The following ANKRD18A variants were observed in gnomAD, a reference collection of about 807,000 sequenced individuals.
ANKRD18A encodes the protein ankyrin repeat domain 18A.
Under a neutral mutation model 110.6 loss-of-function variants are expected in ANKRD18A, and 72 were observed. The ratio of observed to expected loss-of-function variants is 0.65; its 90% CI spans 0.54 to 0.79. The LOEUF is 0.79. Ranked by LOEUF, ANKRD18A falls within the 30% of genes least tolerant of loss-of-function variation. ANKRD18A has a pLI of 0.00. For missense variants in ANKRD18A, 934 were observed against 1,163.3 expected (o/e 0.80, Z 2.87); for synonymous variants, 305 against 410.3 (o/e 0.74, Z 3.10).
chr9:38,597,824 G>A (rs562342571), intron 8 of ANKRD18A, among the ~76,000 whole-genome samples: 1 of 152,144 alleles, frequency 6.6e-6, no homozygotes, highest in South Asian at 2.1e-4. Flanking sequence ...TAAATTTTTG[G>A]CTGAGGAGTT....
intron 1 of ANKRD18A, among the ~76,000 whole-genome samples, chr9:38,616,800 T>A (rs942400358): frequency 6.6e-6 from 1 of 152,216 alleles, no homozygotes; most frequent in Admixed American, 6.5e-5. Context: ...ATATTTTAAT[T>A]AAGTAAAATG....
chr9:38,588,848 A>T (rs1587503152), intron 10 of ANKRD18A, among the ~76,000 whole-genome samples, 185 bp from the exon 11 acceptor site: 1 of 152,214 alleles, frequency 6.6e-6, no homozygotes, highest in Non-Finnish European at 1.5e-5. Flanking sequence ...GCTAAAAAAG[A>T]TTCACACTTT....
chr9:38,593,775 A>T lies in ANKRD18A; in HGVS notation c.1989T>A (p.Phe663Leu). ...NETWTSKKKL[F>L]QVEIQPEEKH... ...CCATACATACTTGAATTTCTACTTG[A>T]AATAATTTCTTCTTTGAAGTCCATG... The change falls in exon 10 of 16, where the codon TTT (phenylalanine) becomes TTA (leucine). Residue 663 changes from phenylalanine to leucine, a missense_variant. Physicochemically the swap from Phe to Leu is conservative, Grantham distance 22 (BLOSUM62 0). This residue lies in a region of ANKRD18A where 630 missense variants were observed against 797.5 expected (regional missense o/e 0.79). Coordinates refer to ENST00000399703, the MANE Select transcript of ANKRD18A (RefSeq NM_147195.4). The T allele has an allele frequency of 6.5e-7, 1 of 1,529,808 alleles. No homozygotes were observed. 94.8% of individuals were successfully genotyped at this position (1,529,808 alleles called of 1,614,324 possible).
At position 38,575,680 on chromosome 9, in the gene ANKRD18A, T is replaced by A. The variant is rs371259853; in HGVS notation, c.2760A>T (p.Ala920=). 568 of 1,551,170 alleles carry A rather than the reference T, an allele frequency of 3.7e-4. 2 individuals are homozygous for A. Among genetic ancestry groups the A allele is most frequent in the South Asian group, 2.9e-3 (243 of 83,784 alleles). ...KKLMKSDKKI[A]VISTKLFTEK... ...CCGTAAAGAGCTTGGTGCTGATCAC[T>A]GCTATTTTCTTATCCGATCTGTAAA... The change falls in exon 15 of 16, where the codon GCA becomes GCT. Residue 920 remains alanine, a synonymous_variant. Coordinates refer to ENST00000399703, the MANE Select transcript of ANKRD18A (RefSeq NM_147195.4).
chr9:38,616,264 A>G (rs1348490838), intron 1 of ANKRD18A, among the ~76,000 whole-genome samples: 1 of 152,222 alleles, frequency 6.6e-6, no homozygotes, highest in Non-Finnish European at 1.5e-5. Flanking sequence ...GATTCAGCTT[A>G]ACTAGGGCTT....
intron 12 of ANKRD18A, among the ~76,000 whole-genome samples, chr9:38,583,399 T>A (rs1824243478): frequency 6.6e-6 from 1 of 152,184 alleles, no homozygotes; most frequent in African/African-American, 2.4e-5. Context: ...CTATATTTTT[T>A]TTGAGACGGA....
intron 15 of ANKRD18A, among the ~76,000 whole-genome samples, chr9:38,573,664 G>A (rs1189566220): frequency 6.6e-6 from 1 of 151,686 alleles, no homozygotes; most frequent in Admixed American, 6.6e-5. Flanking sequence ...GCAGTGAGCC[G>A]AGATCGTGCC....
At chr9:38,594,445 A>G (rs1043074307) in intron 9 of ANKRD18A, among the ~76,000 whole-genome samples, 1 of 152,228 alleles carries the variant, frequency 6.6e-6, no homozygotes, top group African/African-American at 2.4e-5. Context: ...TCCAAATGAT[A>G]GTCATTGAGA....
chr9:38,568,804 C>T (rs1460672406), downstream of ANKRD18A: 1 of 985,250 alleles, frequency 1.0e-6, no homozygotes, highest in Non-Finnish European at 1.2e-6. Flanking sequence ...CTGGGGGGAC[C>T]ATAGTGCCCC....
chr9:38,605,537 A>G (rs1220331700), intron 6 of ANKRD18A, among the ~76,000 whole-genome samples: 1 of 152,166 alleles, frequency 6.6e-6, no homozygotes, highest in East Asian at 1.9e-4. Flanking sequence ...AACCATTTTT[A>G]TAATTTTATT....
At position 38,595,780 on chromosome 9, in the gene ANKRD18A, T is replaced by C. The variant is rs1245524403; in HGVS notation, c.1560A>G (p.Glu520=). 1.9e-6 allele frequency: 3 copies of C among 1,551,138 alleles called. No homozygotes were observed. Among genetic ancestry groups the C allele is most frequent in the Non-Finnish European group, 2.6e-6 (3 of 1,146,632 alleles). The change falls in exon 9 of 16, where the codon GAA becomes GAG. Residue 520 remains glutamate (E), a synonymous_variant. Coordinates refer to ENST00000399703, the MANE Select transcript of ANKRD18A (RefSeq NM_147195.4). Reference sequence around the variant, plus strand: ...CTCCATTTGGATGCATCTGCTTCATTTCCTTTATTCGATGCTGTGCTTGCC... The same window carrying C: ...CTCCATTTGGATGCATCTGCTTCATCTCCTTTATTCGATGCTGTGCTTGCC... ...DLRQAQHRIK[E]MKQMHPNGEA...
intron 15 of ANKRD18A, among the ~76,000 whole-genome samples, chr9:38,573,607 C>T (rs1278934442): frequency 6.6e-6 from 1 of 151,898 alleles, no homozygotes. Flanking sequence ...CCCAGCTACT[C>T]GGGAGGCTGA....
intron 5 of ANKRD18A, 60 bp downstream of exon 5, chr9:38,610,213 A>C: frequency 6.9e-7 from 1 of 1,453,548 alleles, no homozygotes; most frequent in Non-Finnish European, 9.1e-7. Flanking sequence ...AAGATGCAAT[A>C]GTTACAATTA....
At chr9:38,582,681 A>G (rs1824214481) in intron 12 of ANKRD18A, among the ~76,000 whole-genome samples, 1 of 152,260 alleles carries the variant, frequency 6.6e-6, no homozygotes, top group Non-Finnish European at 1.5e-5. Context: ...CTAATACCAT[A>G]TTTAAAAATT....
chr9:38,619,853 T>C (rs1587554908), intron 1 of ANKRD18A, among the ~76,000 whole-genome samples: 1 of 152,200 alleles, frequency 6.6e-6, no homozygotes. Context: ...TATGGCCCCA[T>C]GTTTTAAACG....
chr9:38,608,942 T>C (rs1825479664), intron 5 of ANKRD18A, among the ~76,000 whole-genome samples: 1 of 152,024 alleles, frequency 6.6e-6, no homozygotes, highest in South Asian at 2.1e-4. Context: ...TATTTGAACA[T>C]CCCTAGCTGT....
In ANKRD18A at chr9:38,571,746, C is replaced by T. The variant is rs1375374545; in HGVS notation, c.*299G>A. The T allele has an allele frequency of 2.4e-5, 26 of 1,071,512 alleles. No individual in the cohort carries two copies. In the South Asian group the frequency reaches 4.5e-4, roughly 18 times the overall value. 66.4% of individuals were successfully genotyped at this position (1,071,512 alleles called of 1,614,324 possible). ...ATTCAGGCAATTTGAGTAGGCCAAA[C>T]TCAATAACGCTGGTGTTCATTTGCA... On this transcript the variant is annotated 3_prime_UTR_variant, in exon 16 of 16. Transcript: ENST00000399703.
intron 6 of ANKRD18A, among the ~76,000 whole-genome samples, chr9:38,605,730 C>T (rs1316116506): frequency 2.6e-5 from 4 of 152,118 alleles, no homozygotes; most frequent in African/African-American, 9.7e-5. Context: ...TCTTCTGCCT[C>T]AGCCTCCAGA....
rs367888417 is a variant in ANKRD18A at position 38,586,706 on chromosome 9, C to G, written c.2118-394G>C. On this transcript the variant is annotated intron_variant, in intron 11 of 15. Coordinates refer to ENST00000399703, the MANE Select transcript of ANKRD18A (RefSeq NM_147195.4). ...CAGCCTCCCAAGTAAGCTGGGATTA[C>G]GGGCATGTGCCACCATGCCTGGCTA... Among the ~76,000 whole-genome samples, 8 of 152,122 alleles carry G rather than the reference C, an allele frequency of 5.3e-5. No individual in the cohort carries two copies. The East Asian group carries it at 1.2e-3, about 22-fold the overall frequency.
Sources: gnomAD v4.1 joint callset for allele counts (sites outside exome capture counted in the v4.1 genomes callset) on GRCh38, gnomAD v4.1.1 for gene constraint, gnomAD v4.1.1 regional missense constraint, MANE v1.5 for transcripts, NCBI Gene and HGNC (gene_info 2026-07-23, HGNC 2026-07-21) for gene names.